ECHDC1: variants seen among roughly 807,000 people sequenced by gnomAD.
ECHDC1 encodes ethylmalonyl-CoA decarboxylase.
A neutral mutation model predicts 29.7 loss-of-function variants in ECHDC1; 29 were observed. The observed-to-expected ratio is 0.98, with a 90% CI of 0.73 to 1.33. ECHDC1 has a LOEUF of 1.33. Ranked by LOEUF, ECHDC1 falls within the 40% of genes most tolerant of loss-of-function variation. The pLI is 0.00. For missense variants in ECHDC1, 328 were observed against 350.0 expected (o/e 0.94, Z 0.50); for synonymous variants, 126 against 123.1 (o/e 1.02, Z -0.15).
Position 127,289,747 on chromosome 6 carries a change from G to A in ECHDC1, c.*122C>T, listed in dbSNP as rs1300831810. The A allele has an allele frequency of 2.0e-5, 20 of 998,886 alleles. No individual in the cohort carries two copies. The highest frequency in any genetic ancestry group is 2.8e-5 in the Non-Finnish European group (20 of 703,400). The allele number at this position is 998,886 out of a possible 1,614,324, so 61.9% of individuals were successfully genotyped here. ...AGTTCAGATATTCAAATGATTAAAAGTAAGTCTGCATATTAATAGTAGCCT... is the reference window on the plus strand; with the variant it reads ...AGTTCAGATATTCAAATGATTAAAAATAAGTCTGCATATTAATAGTAGCCT... On this transcript the variant is annotated 3_prime_UTR_variant, in exon 6 of 6. Coordinates refer to ENST00000454859, the MANE Select transcript of ECHDC1 (RefSeq NM_001002030.2).
At chr6:127,305,782 T>C (rs1781392688) in intron 5 of ECHDC1, among the ~76,000 whole-genome samples, 1 of 152,072 alleles carries the variant, frequency 6.6e-6, no homozygotes, top group Non-Finnish European at 1.5e-5. Flanking sequence ...TAAGATGCAG[T>C]ATTTGCAAGC....
At chr6:127,302,492 C>T (rs1312096216) in intron 5 of ECHDC1, among the ~76,000 whole-genome samples, 4 of 151,908 alleles carry the variant, frequency 2.6e-5, no homozygotes, top group South Asian at 2.1e-4. Context: ...CTCTGCCTCC[C>T]GGGTTCAAGT....
At chr6:127,339,307 A>G (rs1278343351) in intron 1 of ECHDC1, among the ~76,000 whole-genome samples, 1 of 149,656 alleles carries the variant, frequency 6.7e-6, no homozygotes, top group Non-Finnish European at 1.5e-5. Flanking sequence ...GTAGCATTTT[A>G]GGGGTGATCA....
intron 5 of ECHDC1, among the ~76,000 whole-genome samples, chr6:127,311,669 CAA>C (rs71272311): frequency 4.1e-3 from 103 of 24,980 alleles, no homozygotes; most frequent in African/African-American, 6.0e-3. Context: ...GGCTCTGTCT[CAA>C]AAAAAAAAAA....
rs539288781 is a variant in ECHDC1, at chr6:127,329,855, CA to C, written c.220+953del. On this transcript the variant is annotated intron_variant, in intron 2 of 5. Coordinates refer to ENST00000454859, the MANE Select transcript of ECHDC1 (RefSeq NM_001002030.2). ...CTTACATTATGTTTTCATTGGTCAG[CA>C]CTGGTATAGAGAAATCTCTCTGAAT... The C allele has an allele frequency of 5.0e-3, 2,275 of 455,124 alleles. 26 individuals carry two copies. The highest frequency in any genetic ancestry group is 5.4e-3 in the Non-Finnish European group (1,212 of 226,484). 28.2% of individuals were successfully genotyped at this position (455,124 alleles called of 1,614,324 possible).
At chr6:127,316,263 C>A in intron 4 of ECHDC1, 187 bp downstream of exon 4, 1 of 534,752 alleles carries the variant, frequency 1.9e-6, no homozygotes, top group Non-Finnish European at 3.4e-6. Flanking sequence ...TTTTAAAATA[C>A]ATATGTATAT....
chr6:127,301,427 GA>G (rs1241263859), intron 5 of ECHDC1, among the ~76,000 whole-genome samples: 1 of 152,172 alleles, frequency 6.6e-6, no homozygotes, highest in Non-Finnish European at 1.5e-5. Context: ...TTAAACAAGC[GA>G]AAAGGGCCAA....
intron 5 of ECHDC1, among the ~76,000 whole-genome samples, chr6:127,297,413 A>T (rs921890676): frequency 2.0e-5 from 3 of 152,360 alleles, no homozygotes; most frequent in Middle Eastern, 3.4e-3. Flanking sequence ...TTCAAATGAA[A>T]TCACATTGAG....
intron 5 of ECHDC1, among the ~76,000 whole-genome samples, chr6:127,296,833 C>T (rs1037751201): frequency 5.3e-5 from 8 of 151,950 alleles, no homozygotes; most frequent in Non-Finnish European, 1.0e-4. Flanking sequence ...GACAAAACCC[C>T]GTCTCTACAA....
chr6:127,305,349 GAAAT>G (rs1419815341), intron 5 of ECHDC1, among the ~76,000 whole-genome samples: 1 of 152,098 alleles, frequency 6.6e-6, no homozygotes, highest in Non-Finnish European at 1.5e-5. Context: ...ACATGAAAGA[GAAAT>G]AAAGACTTCC....
intron 2 of ECHDC1, chr6:127,329,784 T>C (rs1051105926): frequency 1.1e-5 from 4 of 365,042 alleles, no homozygotes; most frequent in East Asian, 8.5e-5. Flanking sequence ...TTTTAAACTA[T>C]GGTTACTAGA....
chr6:127,304,085 GGC>G (rs577063113), intron 5 of ECHDC1, among the ~76,000 whole-genome samples: 299 of 152,218 alleles, frequency 2.0e-3, no homozygotes, highest in African/African-American at 7.0e-3. Flanking sequence ...GAAGGCCTTG[GGC>G]AAGACCCAGT....
chr6:127,324,395 G>C (rs188638690), intron 3 of ECHDC1, among the ~76,000 whole-genome samples: 139 of 152,268 alleles, frequency 9.1e-4, no homozygotes, highest in African/African-American at 3.2e-3. Context: ...AGAGGAAATT[G>C]AGCAACTTTC....
intron 5 of ECHDC1, among the ~76,000 whole-genome samples, chr6:127,292,688 A>AGG (rs1460146259): frequency 2.6e-5 from 4 of 152,038 alleles, no homozygotes; most frequent in African/African-American, 9.6e-5. Context: ...TAATTTAAGA[A>AGG]GGACATTATT....
intron 3 of ECHDC1, among the ~76,000 whole-genome samples, chr6:127,325,101 C>T (rs1783202194): frequency 6.6e-6 from 1 of 152,186 alleles, no homozygotes; most frequent in Non-Finnish European, 1.5e-5. Flanking sequence ...GTCACCTTGA[C>T]AGCATATTCC....
chr6:127,342,030 T>G (rs1459828311), intron 1 of ECHDC1, among the ~76,000 whole-genome samples: 1 of 152,268 alleles, frequency 6.6e-6, no homozygotes, highest in Admixed American at 6.5e-5. Flanking sequence ...GAAATCCTTT[T>G]GATTTTTTCG....
intron 5 of ECHDC1, among the ~76,000 whole-genome samples, chr6:127,296,511 ACAAG>A (rs1018904902): frequency 1.3e-5 from 2 of 152,162 alleles, no homozygotes; most frequent in Non-Finnish European, 2.9e-5. Flanking sequence ...AAAACAAAAA[ACAAG>A]CAAAGTCAAA....
chr6:127,311,314 T>C (rs1781880052), intron 5 of ECHDC1, among the ~76,000 whole-genome samples: 1 of 152,150 alleles, frequency 6.6e-6, no homozygotes, highest in African/African-American at 2.4e-5. Context: ...AGAATCTACT[T>C]TGAACAAGGC....
At position 127,327,049 on chromosome 6, in the gene ECHDC1, A is replaced by C; in HGVS notation, c.316T>G (p.Ser106Ala). 6.2e-7 allele frequency: 1 copy of C among 1,614,100 alleles called. No individual in the cohort carries two copies. The highest frequency in any genetic ancestry group is 8.5e-7 in the Non-Finnish European group (1 of 1,179,998). Residue 106 changes from serine (S) to alanine (A), a missense_variant, in exon 3 of 6, where the codon TCT becomes GCT. Physicochemically the swap from Ser to Ala is moderately conservative, Grantham distance 99 (BLOSUM62 1). Transcript: ENST00000454859. Reference protein sequence around the residue: ...LIVRGAKNTFSSGSDLNAVKS... With the variant: ...LIVRGAKNTFASGSDLNAVKS... ...ACAGCATTCAGATCAGATCCTGAAG[A>C]GAAAGTATTTTTTGCCCCACGGACA...
Sources: gnomAD v4.1 joint callset for allele counts (sites outside exome capture counted in the v4.1 genomes callset) on GRCh38, gnomAD v4.1.1 for gene constraint, MANE v1.5 for transcripts, NCBI Gene and HGNC (gene_info 2026-07-23, HGNC 2026-07-21) for gene names.